Variants in RGS9 observed in about 807,000 individuals in gnomAD.
RGS9 encodes regulator of G-protein signalling 9.
RGS9 carries 78 observed loss-of-function variants against 102.0 expected under a neutral mutation model. The ratio of observed to expected loss-of-function variants is 0.76; its 90% CI spans 0.64 to 0.92. The LOEUF (loss-of-function observed/expected upper bound fraction) is 0.92, where lower values mean the gene tolerates loss of function less well. Ranked by LOEUF, RGS9 falls within the 40% of genes least tolerant of loss-of-function variation. RGS9 has a pLI of 0.00. For missense variants in RGS9, 833 were observed against 866.1 expected (o/e 0.96, Z 0.48); for synonymous variants, 353 against 318.6 (o/e 1.11, Z -1.15).
At chr17:65,210,424 A>G (rs1913246546) in intron 16 of RGS9, 64 bp from the exon 17 acceptor site, 3 of 1,567,868 alleles carry the variant, frequency 1.9e-6, no homozygotes, top group East Asian at 4.5e-5. Flanking sequence ...ATCAAGTGTG[A>G]CAGGGTCAGT....
intron 8 of RGS9, among the ~76,000 whole-genome samples, chr17:65,174,652 A>C (rs1911554507): frequency 6.6e-6 from 1 of 151,684 alleles, no homozygotes; most frequent in East Asian, 1.9e-4. Flanking sequence ...CACGTGTGTG[A>C]GTGTGTGAAT....
chr17:65,215,177 A>G (rs1367867059), intron 17 of RGS9, among the ~76,000 whole-genome samples: 1 of 152,126 alleles, frequency 6.6e-6, no homozygotes, highest in Non-Finnish European at 1.5e-5. Flanking sequence ...CTCTGTCAAG[A>G]GGAAGGTGTG....
At chr17:65,212,455 T>C (rs1230837132) in intron 17 of RGS9, among the ~76,000 whole-genome samples, 1 of 152,014 alleles carries the variant, frequency 6.6e-6, no homozygotes, top group Non-Finnish European at 1.5e-5. Flanking sequence ...GAGTTGGCCA[T>C]AAGAGCATGT....
chr17:65,226,733 C>T (rs1905701452), intron 18 of RGS9, among the ~76,000 whole-genome samples: 1 of 152,072 alleles, frequency 6.6e-6, no homozygotes, highest in African/African-American at 2.4e-5. Flanking sequence ...CTGCCTCAGC[C>T]TCCCAGGTAG....
intron 15 of RGS9, 77 bp downstream of exon 15, chr17:65,204,378 T>C: frequency 7.2e-6 from 11 of 1,537,032 alleles, no homozygotes; most frequent in Admixed American, 3.8e-5. Context: ...TCTTTAGATA[T>C]AGGAAAAAGA....
At chr17:65,155,432 T>C (rs147415344) in intron 2 of RGS9, among the ~76,000 whole-genome samples, 23 of 152,318 alleles carry the variant, frequency 1.5e-4, no homozygotes, top group African/African-American at 5.5e-4. Flanking sequence ...ATGAGTCACT[T>C]ATTGTCTGTC....
chr17:65,157,445 T>G (rs554852098), intron 2 of RGS9, among the ~76,000 whole-genome samples: 3 of 151,926 alleles, frequency 2.0e-5, no homozygotes, highest in African/African-American at 7.3e-5. Context: ...TGGTGGAACT[T>G]GGCTTGCCTT....
rs150664206 is a variant in RGS9 at position 65,225,961 on chromosome 17, T to G, written c.1892+475T>G. On this transcript the variant is annotated intron_variant, in intron 18 of 18. Transcript: ENST00000262406. ...CTAAGGAAACCTTCCCACCCTCCTC[T>G]GCATCCATTGGCACAGTCTCTTAGA... Among the ~76,000 whole-genome samples, 1,174 of 152,208 alleles carry G rather than the reference T, an allele frequency of 7.7e-3. 12 individuals are homozygous for G. The highest frequency in any genetic ancestry group is 0.027 in the African/African-American group (1,120 of 41,532).
At chr17:65,207,211 C>T (rs1913096251) in intron 15 of RGS9, among the ~76,000 whole-genome samples, 1 of 152,202 alleles carries the variant, frequency 6.6e-6, no homozygotes, top group Admixed American at 6.5e-5. Context: ...TAGAAGTGGG[C>T]TCCATACTCC....
At chr17:65,207,374 C>A (rs1913103334) in intron 15 of RGS9, among the ~76,000 whole-genome samples, 1 of 152,130 alleles carries the variant, frequency 6.6e-6, no homozygotes. Flanking sequence ...GCAGAATTAC[C>A]TGGAGACTGT....
rs1374784736 is a variant in RGS9 at position 65,210,494 on chromosome 17, C to T, written c.1296C>T (p.Thr432=). 3.7e-6 allele frequency: 6 copies of T among 1,613,364 alleles called. No homozygotes were observed. The highest frequency in any genetic ancestry group is 5.1e-6 in the Non-Finnish European group (6 of 1,179,962). ...AATCTGTCCTTCCTTCCAGCTCCAC[C>T]CTCCCTTTTATGCGGCGTCACCTGC... ...EPQETTKKSS[T]LPFMRRHLRS... is the part of the protein sequence containing the mutation. Residue 432 remains threonine (T), a synonymous_variant, in exon 17 of 19, where the codon ACC becomes ACT. Coordinates refer to ENST00000262406, the MANE Select transcript of RGS9 (RefSeq NM_003835.4).
chr17:65,138,982 C>CT (rs1910026257), intron 1 of RGS9, among the ~76,000 whole-genome samples: 1 of 57,486 alleles, frequency 1.7e-5, no homozygotes. Context: ...ACCCCAGCAT[C>CT]CCCTCCTCCA....
In RGS9 at chr17:65,137,918, C is replaced by T. The variant is rs370099417; in HGVS notation, c.57+321C>T. Among the ~76,000 whole-genome samples the T allele has an allele frequency of 2.6e-5, 4 of 152,288 alleles. No individual in the cohort carries two copies. In the South Asian group the frequency reaches 8.3e-4, roughly 32 times the overall value. On this transcript the variant is annotated intron_variant, in intron 1 of 18. Coordinates refer to ENST00000262406, the MANE Select transcript of RGS9 (RefSeq NM_003835.4). ...ACAGCCTGCTGATATTGTTGTAAGA[C>T]GACCAGATGTGACATTGCCATTTTT...
intron 17 of RGS9, among the ~76,000 whole-genome samples, chr17:65,221,902 C>T (rs1221562209): frequency 6.6e-6 from 1 of 152,198 alleles, no homozygotes; most frequent in African/African-American, 2.4e-5. Flanking sequence ...CCCAAAGACC[C>T]CGCTTCCTAA....
chr17:65,218,083 T>C (rs1913577414), intron 17 of RGS9, among the ~76,000 whole-genome samples: 1 of 152,038 alleles, frequency 6.6e-6, no homozygotes, highest in Non-Finnish European at 1.5e-5. Flanking sequence ...GAGTAGAAGG[T>C]TGTCAAGCTA....
intron 14 of RGS9, 34 bp from the exon 15 acceptor site, chr17:65,204,129 A>T (rs763887302): frequency 4.3e-5 from 69 of 1,611,500 alleles, no homozygotes; most frequent in Non-Finnish European, 3.1e-5. Flanking sequence ...GACTTGGTTT[A>T]GTTACTTTTG....
At chr17:65,153,662 C>T (rs538856081) in intron 2 of RGS9, 144 bp downstream of exon 2, 63 of 690,158 alleles carry the variant, frequency 9.1e-5, no homozygotes, top group Non-Finnish European at 1.4e-4. Flanking sequence ...GAGGCCGAGG[C>T]GGGTGGATCA....
At position 65,225,141 on chromosome 17, in the gene RGS9, G is replaced by C; in HGVS notation, c.1547G>C (p.Arg516Pro). ...GCCTCACCCAGCCGCTTCATCCGGCGACCCAGCACCACCATCTGCCCCTCA... is the reference window on the plus strand; with the variant it reads ...GCCTCACCCAGCCGCTTCATCCGGCCACCCAGCACCACCATCTGCCCCTCA... ...PFASPSRFIRRPSTTICPSPI... is the reference protein window; with the variant it reads ...PFASPSRFIRPPSTTICPSPI... Residue 516 changes from arginine (R) to proline (P), a missense_variant, in exon 18 of 19, where the codon CGA (arginine) becomes CCA (proline). Transcript: ENST00000262406. 1 of 1,613,612 alleles carries C rather than the reference G, an allele frequency of 6.2e-7. No homozygotes were observed.
At chr17:65,222,298 G>A (rs2144129585) in intron 17 of RGS9, among the ~76,000 whole-genome samples, 1 of 152,334 alleles carries the variant, frequency 6.6e-6, no homozygotes, top group African/African-American at 2.4e-5. Context: ...TCTAGACTCA[G>A]ATGGAAAGGG....
Sources: allele counts gnomAD v4.1 joint callset (sites outside exome capture counted in the v4.1 genomes callset), GRCh38; gene constraint gnomAD v4.1.1; transcripts MANE v1.5; gene names NCBI Gene and HGNC (gene_info 2026-07-23, HGNC 2026-07-21).